The following INSR variants were observed in gnomAD, a reference collection of about 807,000 sequenced individuals.
INSR encodes insulin receptor.
INSR carries 67 observed loss-of-function variants against 142.6 expected under a neutral mutation model. The observed-to-expected ratio is 0.47, with a 90% CI of 0.39 to 0.58. The LOEUF (loss-of-function observed/expected upper bound fraction) is 0.58. Among genes scored for constraint, INSR ranks in the 20% least tolerant of loss-of-function variants. The pLI is 0.00. For synonymous variants in INSR, 756 were observed against 743.1 expected (o/e 1.02, Z -0.28); for missense variants, 1,248 against 1,833.2 (o/e 0.68, Z 5.83).
At chr19:7,217,761 G>A (rs998822221) in intron 2 of INSR, among the ~76,000 whole-genome samples, 2 of 152,150 alleles carry the variant, frequency 1.3e-5, no homozygotes, top group African/African-American at 2.4e-5. Context: ...GGGTTTCACC[G>A]TGTTAGCCAG....
intron 10 of INSR, chr19:7,152,300 A>C (rs2144889340): frequency 3.6e-6 from 1 of 280,376 alleles, no homozygotes. Flanking sequence ...CTGAGGCACA[A>C]GAATCACTCG....
intron 2 of INSR, among the ~76,000 whole-genome samples, chr19:7,188,952 T>G (rs1974505865): frequency 6.8e-6 from 1 of 146,410 alleles, no homozygotes; most frequent in African/African-American, 2.5e-5. Context: ...TTGCAAGAAA[T>G]AAACAGGATG....
intron 9 of INSR, among the ~76,000 whole-genome samples, chr19:7,153,623 T>C (rs1474544875): frequency 6.6e-6 from 1 of 151,932 alleles, no homozygotes. Context: ...GAGGCTCAGG[T>C]GAGAGGATCG....
intron 2 of INSR, among the ~76,000 whole-genome samples, chr19:7,198,817 C>T (rs1014310677): frequency 6.6e-6 from 1 of 152,126 alleles, no homozygotes; most frequent in African/African-American, 2.4e-5. Context: ...TTGTGTGTCC[C>T]CATTGAATTT....
chr19:7,119,136 AC>A lies in INSR; in HGVS notation c.3794+312del, dbSNP rs1228077881. On this transcript the variant is annotated intron_variant, in intron 21 of 21. Coordinates refer to ENST00000302850, the MANE Select transcript of INSR (RefSeq NM_000208.4). This position sits in a 1 kb window ranked among gnomAD's most constrained non-coding sequence, Gnocchi z 5.2. ...TGCTTATAATATGTAAATGAGGTGT[AC>A]ATGTGCCATGATATGCTGATGCACA... is the stretch of plus-strand genomic sequence containing the variant. Among the ~76,000 whole-genome samples, 4 of 152,238 alleles carry A rather than the reference AC, an allele frequency of 2.6e-5. No individual in the cohort carries two copies. The highest frequency in any genetic ancestry group is 9.6e-5 in the African/African-American group (4 of 41,452).
At chr19:7,121,494 C>T (rs564375584) in intron 19 of INSR, among the ~76,000 whole-genome samples, 1 of 151,996 alleles carries the variant, frequency 6.6e-6, no homozygotes. Context: ...TTTGAAATAG[C>T]GTCTCACTGT....
chr19:7,136,759 A>G (rs1237382928), intron 13 of INSR, among the ~76,000 whole-genome samples: 1 of 151,776 alleles, frequency 6.6e-6, no homozygotes, highest in Non-Finnish European at 1.5e-5. Context: ...ATTGCCAACA[A>G]TGTCCTTAAT....
At position 7,152,839 on chromosome 19, in the gene INSR, G is replaced by C. The variant is rs750857805; in HGVS notation, c.2118C>G (p.Ala706=). ...KHNQSEYEDS[A]GECCSCPKTD... ...TCTTTGGACAGGAGCAGCATTCGCC[G>C]GCCGAATCCTCATACTCACTCTGGT... Residue 706 remains alanine (A), a synonymous_variant, in exon 10 of 22, where the codon GCC becomes GCG. Coordinates refer to ENST00000302850, the MANE Select transcript of INSR (RefSeq NM_000208.4). 3.1e-6 allele frequency: 5 copies of C among 1,613,420 alleles called. No homozygotes were observed. The highest frequency in any genetic ancestry group is 1.8e-4 in the Middle Eastern group (1 of 5,684).
intron 2 of INSR, among the ~76,000 whole-genome samples, chr19:7,215,637 G>T (rs1375880201): frequency 6.6e-6 from 1 of 151,684 alleles, no homozygotes; most frequent in African/African-American, 2.4e-5. Context: ...GCATGATCTT[G>T]GCTCACTGCA....
Position 7,126,661 on chromosome 19 carries a change from GA to G in INSR, c.2946-11del. 1 of 1,561,782 alleles carries G rather than the reference GA, an allele frequency of 6.4e-7. No homozygotes were observed. Among genetic ancestry groups the G allele is most frequent in the East Asian group, 2.4e-5 (1 of 42,340 alleles). ...CGGCCCATCTGGCTGCCTGGAGGAGGAAAACGAGGCACGTTAGCTTGAGATT... is the reference window on the plus strand; with the variant it reads ...CGGCCCATCTGGCTGCCTGGAGGAGGAAACGAGGCACGTTAGCTTGAGATT... On this transcript the variant is annotated splice_polypyrimidine_tract_variant and intron_variant, in intron 15 of 21. Coordinates refer to ENST00000302850, the MANE Select transcript of INSR (RefSeq NM_000208.4).
At position 7,117,187 on chromosome 19, in the gene INSR, C is replaced by T. The variant is rs1972355242; in HGVS notation, c.4018G>A (p.Ala1340Thr). ...DRSSHCQREEAGGRDGGSSLG... is the reference protein window; with the variant it reads ...DRSSHCQREETGGRDGGSSLG... ...GAGGACCCTCCATCCCGGCCCCCCG[C>T]CTCCTCCCTCTGACAGTGCGAGGAA... The change falls in exon 22 of 22, where the codon GCG becomes ACG. Residue 1340 changes from alanine to threonine, a missense_variant. Physicochemically the swap from Ala to Thr is moderately conservative, Grantham distance 58. Around this residue, in one of 3 missense-constraint regions of INSR, gnomAD observed 122 missense variants for 129.8 expected, o/e 0.94. Coordinates refer to ENST00000302850, the MANE Select transcript of INSR (RefSeq NM_000208.4). 1 of 1,614,198 alleles carries T rather than the reference C, an allele frequency of 6.2e-7. No individual in the cohort carries two copies. The highest frequency in any genetic ancestry group is 1.3e-5 in the African/African-American group (1 of 75,052).
chr19:7,178,450 G>A (rs1228632183), intron 3 of INSR, among the ~76,000 whole-genome samples: 2 of 152,192 alleles, frequency 1.3e-5, no homozygotes, highest in Non-Finnish European at 2.9e-5. Flanking sequence ...GCCGGGTGCA[G>A]TGCCTCACGC....
At chr19:7,135,242 C>T (rs529661129) in intron 13 of INSR, among the ~76,000 whole-genome samples, 1 of 131,244 alleles carries the variant, frequency 7.6e-6, no homozygotes, top group Non-Finnish European at 1.6e-5. Context: ...TAGAGAGGGA[C>T]AAATAAGCAA....
intron 2 of INSR, among the ~76,000 whole-genome samples, chr19:7,257,366 G>A (rs1013388339): frequency 2.0e-5 from 3 of 151,772 alleles, no homozygotes; most frequent in African/African-American, 7.3e-5. Flanking sequence ...CTGTTATCTA[G>A]AGAACATCAT....
chr19:7,163,925 T>TA (rs748862314), intron 8 of INSR, among the ~76,000 whole-genome samples: 26,121 of 44,530 alleles, frequency 0.59, 7,969 homozygotes, highest in East Asian at 0.82. Flanking sequence ...CTATCTCTAC[T>TA]AAAAAAAAAA....
Position 7,143,312 on chromosome 19 carries a change from G to A in INSR, c.2268-222C>T, listed in dbSNP as rs562003389. 1.6e-4 allele frequency among the ~76,000 whole-genome samples: 24 copies of A among 152,288 alleles called. No individual in the cohort carries two copies. The South Asian group carries it at 2.9e-3, about 18-fold the overall frequency. ...TGAAGGATTAGAGCAGGCCCACCTC[G>A]TGAGGGATGAGTGCTTCTAAGACCG... On this transcript the variant is annotated intron_variant, in intron 11 of 21. Coordinates refer to ENST00000302850, the MANE Select transcript of INSR (RefSeq NM_000208.4).
At chr19:7,185,857 AAAG>A (rs1224095951) in intron 2 of INSR, among the ~76,000 whole-genome samples, 36 of 142,562 alleles carry the variant, frequency 2.5e-4, no homozygotes, top group African/African-American at 9.6e-4. Context: ...AAAAAAAAAA[AAAG>A]AGAGAGAGAG....
chr19:7,194,477 A>G (rs1322454922), intron 2 of INSR, among the ~76,000 whole-genome samples: 1 of 150,628 alleles, frequency 6.6e-6, no homozygotes, highest in Non-Finnish European at 1.5e-5. Flanking sequence ...CTCAGGGGTG[A>G]AGTGTGGAGT....
chr19:7,277,920 C>T (rs1035392941), intron 1 of INSR, among the ~76,000 whole-genome samples: 20 of 151,530 alleles, frequency 1.3e-4, no homozygotes, highest in Non-Finnish European at 2.7e-4. Flanking sequence ...GGTGAAACCC[C>T]GTCTCTACTA....
Sources: allele counts gnomAD v4.1 joint callset (sites outside exome capture counted in the v4.1 genomes callset), GRCh38; gene constraint gnomAD v4.1.1; regional missense constraint gnomAD v4.1.1; non-coding constraint Gnocchi (gnomAD v3.1); transcripts MANE v1.5; gene names NCBI Gene and HGNC (gene_info 2026-07-23, HGNC 2026-07-21).